Variants in CDHR1 observed in about 807,000 individuals in gnomAD.
CDHR1 encodes cadherin-related family member 1.
Under a neutral mutation model 72.1 loss-of-function variants are expected in CDHR1, and 61 were observed. That is an observed-to-expected ratio of 0.85 (90% confidence interval 0.69 to 1.05). The LOEUF (loss-of-function observed/expected upper bound fraction) is 1.05, where lower values mean the gene tolerates loss of function less well. Among genes scored for constraint, CDHR1 ranks in the 50% least tolerant of loss-of-function variants. The pLI is 0.00. For synonymous variants in CDHR1, 470 were observed against 448.1 expected, an observed-to-expected ratio of 1.05 and a Z score of -0.62; for missense variants, 1,186 against 1,115.7, an observed-to-expected ratio of 1.06 and a Z score of -0.90.
rs956063500 is a variant in CDHR1, at chr10:84,216,337, G to A, written c.*1716G>A. ...GTTTCTACAGTCCCCAACGTGAACA[G>A]TATTAAGCAAGAGGTGGACTCGAGC... On this transcript the variant is annotated 3_prime_UTR_variant, in exon 17 of 17. Transcript: ENST00000623527. 1.0e-6 allele frequency: 1 copy of A among 985,406 alleles called. No individual in the cohort carries two copies. The highest frequency in any genetic ancestry group is 4.7e-5 in the South Asian group (1 of 21,296). 61.0% of individuals were successfully genotyped at this position (985,406 alleles called of 1,614,324 possible).
chr10:84,196,604 A>G lies in CDHR1; in HGVS notation c.251A>G (p.Asp84Gly). Residue 84 changes from aspartate to glycine, a missense_variant, in exon 3 of 17, where the codon GAC becomes GGC. Transcript: ENST00000623527. ...DPSTRSVFSV[D>G]PTFGNITLVE... ...AGCACTAGAAGCGTCTTTTCTGTTG[A>G]CCCCACTTTTGGAAACATCACCCTG... 6.2e-7 allele frequency: 1 copy of G among 1,613,970 alleles called. No individual in the cohort carries two copies. The highest frequency in any genetic ancestry group is 1.1e-5 in the South Asian group (1 of 91,060).
chr10:84,199,189 C>CT, intron 5 of CDHR1, 68 bp downstream of exon 5: 2 of 1,344,674 alleles, frequency 1.5e-6, no homozygotes, highest in South Asian at 2.5e-5. Flanking sequence ...TGGGGCTGCC[C>CT]TGTGGCCTGG....
At chr10:84,198,556 C>G (rs946243828) in intron 4 of CDHR1, among the ~76,000 whole-genome samples, 1 of 152,246 alleles carries the variant, frequency 6.6e-6, no homozygotes, top group African/African-American at 2.4e-5. Context: ...CTCTTTCCTT[C>G]TGGCAAACTG....
intron 5 of CDHR1, among the ~76,000 whole-genome samples, chr10:84,200,005 T>C (rs1842094630): frequency 6.6e-6 from 1 of 152,152 alleles, no homozygotes; most frequent in African/African-American, 2.4e-5. Flanking sequence ...AAACAGTCTC[T>C]ACTAAAAATA....
chr10:84,196,621 A>G lies in CDHR1; in HGVS notation c.268A>G (p.Ile90Val). 1.2e-6 allele frequency: 2 copies of G among 1,614,218 alleles called. No individual in the cohort carries two copies. The highest frequency in any genetic ancestry group is 1.7e-6 in the Non-Finnish European group (2 of 1,180,040). Residue 90 changes from isoleucine (I) to valine (V), a missense_variant, in exon 3 of 17, where the codon ATC (isoleucine) becomes GTC (valine). Physicochemically the swap from Ile to Val is conservative, Grantham distance 29. Transcript: ENST00000623527. ...TTCTGTTGACCCCACTTTTGGAAACATCACCCTGGTTGAAGAGCTGGACAG... is the reference window on the plus strand; with the variant it reads ...TTCTGTTGACCCCACTTTTGGAAACGTCACCCTGGTTGAAGAGCTGGACAG... ...VFSVDPTFGN[I>V]TLVEELDRER...
At position 84,194,825 on chromosome 10, in the gene CDHR1, C is replaced by G; in HGVS notation, c.55+10C>G. 4 of 1,532,868 alleles carry G rather than the reference C, an allele frequency of 2.6e-6. No homozygotes were observed. The highest frequency in any genetic ancestry group is 3.5e-6 in the Non-Finnish European group (4 of 1,145,762). 95.0% of individuals were successfully genotyped at this position (1,532,868 alleles called of 1,614,324 possible). A position where few individuals can be genotyped will look rare whatever the true frequency, so the allele number is the denominator to read the frequency against. On this transcript the variant is annotated intron_variant, in intron 1 of 16. Coordinates refer to ENST00000623527, the MANE Select transcript of CDHR1 (RefSeq NM_033100.4). ...CTGCGCCTCTGCTTGGGTGAGTGGC[C>G]GCTGGGCCGCGCTGGCCGCGTGGAT...
intron 14 of CDHR1, 129 bp from the exon 15 acceptor site, chr10:84,212,050 G>A: frequency 1.2e-6 from 1 of 813,232 alleles, no homozygotes; most frequent in African/African-American, 1.7e-5. Flanking sequence ...GGAGCAGGTA[G>A]GACACTTTGG....
At chr10:84,204,376 G>A in intron 8 of CDHR1, 151 bp from the exon 9 acceptor site, 1 of 659,850 alleles carries the variant, frequency 1.5e-6, no homozygotes, top group East Asian at 2.8e-5. Context: ...TCCCCCTGCA[G>A]AGGAGAGTAG....
At chr10:84,207,107 G>A (rs766814892) in intron 10 of CDHR1, among the ~76,000 whole-genome samples, 16 of 152,116 alleles carry the variant, frequency 1.1e-4, no homozygotes, top group Non-Finnish European at 2.4e-4. Context: ...TCAAAACTTG[G>A]GCATACAGGT....
At chr10:84,201,321 G>T (rs528824708) in intron 6 of CDHR1, among the ~76,000 whole-genome samples, 47 of 152,310 alleles carry the variant, frequency 3.1e-4, no homozygotes, top group African/African-American at 1.1e-3. Context: ...AGAGGCCGGT[G>T]CTCCCTGCCT....
At chr10:84,206,830 G>A (rs919674719) in intron 10 of CDHR1, among the ~76,000 whole-genome samples, 19 of 152,370 alleles carry the variant, frequency 1.2e-4, no homozygotes, top group Admixed American at 1.0e-3. Context: ...GGAACTAGAT[G>A]AGAGGTAGAG....
Position 84,217,343 on chromosome 10 carries a change from A to G in CDHR1, c.*2722A>G. 3.0e-6 allele frequency: 3 copies of G among 985,480 alleles called. No homozygotes were observed. The highest frequency in any genetic ancestry group is 1.7e-5 in the African/African-American group (1 of 57,382). The allele number at this position is 985,480 out of a possible 1,614,324, so 61.0% of individuals were successfully genotyped here. A position where few individuals can be genotyped will look rare whatever the true frequency, so the allele number is the denominator to read the frequency against. ...TGAGAATGGAGCTGTAGCCTCATGG[A>G]CAATAAATGGATGTGACACCAAATA... On this transcript the variant is annotated 3_prime_UTR_variant, in exon 17 of 17. Coordinates refer to ENST00000623527, the MANE Select transcript of CDHR1 (RefSeq NM_033100.4).
At chr10:84,197,956 C>T in intron 4 of CDHR1, 120 bp downstream of exon 4, 1 of 919,484 alleles carries the variant, frequency 1.1e-6, no homozygotes, top group Non-Finnish European at 1.8e-6. Flanking sequence ...TAAGCTAGGG[C>T]CCAGCAAGAC....
intron 12 of CDHR1, 59 bp downstream of exon 12, chr10:84,208,940 C>G: frequency 6.5e-7 from 1 of 1,547,470 alleles, no homozygotes; most frequent in South Asian, 1.2e-5. Context: ...TTCATACCAG[C>G]ATCTTGGTTC....
At chr10:84,213,989 A>C in intron 16 of CDHR1, 93 bp from the exon 17 acceptor site, 1 of 1,560,034 alleles carries the variant, frequency 6.4e-7, no homozygotes, top group Admixed American at 1.7e-5. Context: ...CAGAAAGTTT[A>C]AAAACCATTA....
chr10:84,194,542 T>G lies in CDHR1; in HGVS notation c.-219T>G. 4.5e-6 allele frequency: 2 copies of G among 446,258 alleles called. No individual in the cohort carries two copies. Among genetic ancestry groups the G allele is most frequent in the African/African-American group, 2.1e-5 (1 of 48,036 alleles). The allele number at this position is 446,258 out of a possible 1,614,324, so 27.6% of individuals were successfully genotyped here. ...CTGTCGCTCCGCTCTGCGCCGCTAA[T>G]TGGTCTCGTCAGGCGGCCGGCAGGA... is the stretch of plus-strand genomic sequence containing the variant. On this transcript the variant is annotated 5_prime_UTR_variant, in exon 1 of 17. Transcript: ENST00000623527.
chr10:84,196,141 C>T (rs887251885), intron 2 of CDHR1, among the ~76,000 whole-genome samples: 4 of 152,208 alleles, frequency 2.6e-5, no homozygotes, highest in African/African-American at 4.8e-5. Flanking sequence ...CCCATTTCCC[C>T]TTCCCTGTAC....
chr10:84,215,996 G>A lies in CDHR1; in HGVS notation c.*1375G>A. Reference sequence around the variant, plus strand: ...GGCCACACAGCAGGTTGGTAGCAAAGATCTTGTCTAGCCAGGGCAGCCCTT... The same window carrying A: ...GGCCACACAGCAGGTTGGTAGCAAAAATCTTGTCTAGCCAGGGCAGCCCTT... On this transcript the variant is annotated 3_prime_UTR_variant, in exon 17 of 17. Coordinates refer to ENST00000623527, the MANE Select transcript of CDHR1 (RefSeq NM_033100.4). The A allele has an allele frequency of 3.0e-6, 3 of 984,228 alleles. No homozygotes were observed. The highest frequency in any genetic ancestry group is 3.6e-6 in the Non-Finnish European group (3 of 829,936). The allele number at this position is 984,228 out of a possible 1,614,324, so 61.0% of individuals were successfully genotyped here.
At position 84,218,577 on chromosome 10, in the gene CDHR1, T is replaced by A; in HGVS notation, c.*3956T>A. 2.0e-6 allele frequency: 2 copies of A among 985,244 alleles called. No individual in the cohort carries two copies. Among genetic ancestry groups the A allele is most frequent in the Non-Finnish European group, 2.4e-6 (2 of 829,910 alleles). The allele number at this position is 985,244 out of a possible 1,614,324, so 61.0% of individuals were successfully genotyped here. On this transcript the variant is annotated 3_prime_UTR_variant, in exon 17 of 17. Coordinates refer to ENST00000623527, the MANE Select transcript of CDHR1 (RefSeq NM_033100.4). ...TTGCTAATCGCCTGGGCCTAGGGAG[T>A]CTTCATTTTAAAAGCAAGTAGCCCT... is the stretch of plus-strand genomic sequence containing the variant.
Sources: gnomAD v4.1 joint callset for allele counts (sites outside exome capture counted in the v4.1 genomes callset) on GRCh38, gnomAD v4.1.1 for gene constraint, MANE v1.5 for transcripts, NCBI Gene and HGNC (gene_info 2026-07-23, HGNC 2026-07-21) for gene names.